EDEM3: variants seen among roughly 807,000 people sequenced by gnomAD.
EDEM3 encodes ER degradation enhancing alpha-mannosidase like protein 3, also known as ER degradation-enhancing alpha-mannosidase-like protein 3.
Under a neutral mutation model 110.2 loss-of-function variants are expected in EDEM3, and 60 were observed. The observed-to-expected ratio is 0.54, with a 90% CI of 0.44 to 0.67. The LOEUF (loss-of-function observed/expected upper bound fraction) is 0.67, where lower values mean the gene tolerates loss of function less well. Among genes scored for constraint, EDEM3 ranks in the 30% least tolerant of loss-of-function variants. EDEM3 has a pLI of 0.00. For missense variants in EDEM3, 996 were observed against 1,121.0 expected (o/e 0.89, Z 1.59); for synonymous variants, 352 against 382.9 (o/e 0.92, Z 0.94).
intron 17 of EDEM3, among the ~76,000 whole-genome samples, chr1:184,707,621 C>A (rs1353934830): frequency 6.6e-6 from 1 of 152,158 alleles, no homozygotes; most frequent in East Asian, 1.9e-4. Flanking sequence ...GCTCTGCAAT[C>A]AATTAGTTAG....
At chr1:184,709,729 A>G (rs1420609046) in intron 16 of EDEM3, among the ~76,000 whole-genome samples, 3 of 152,194 alleles carry the variant, frequency 2.0e-5, no homozygotes, top group African/African-American at 7.2e-5. Flanking sequence ...ATGTGGCAAG[A>G]ATATGGATGA....
In EDEM3 at chr1:184,720,509, C is replaced by CTTTTTTTTTTTTTTTTTTTTTTTT. The variant is rs34268021; in HGVS notation, c.951+779_951+780insAAAAAAAAAAAAAAAAAAAAAAAA. On this transcript the variant is annotated intron_variant, in intron 9 of 19. Transcript: ENST00000318130. Reference sequence around the variant, plus strand: ...AATTTAAACCAGTACATCTCCCATACTTTTTTTTTTTTTTTTTTGAGACGG... The same window carrying CTTTTTTTTTTTTTTTTTTTTTTTT: ...AATTTAAACCAGTACATCTCCCATACTTTTTTTTTTTTTTTTTTTTTTTTTTTTTTTTTTTTTTTTTTGAGACGG... 39 of 127,430 alleles carry CTTTTTTTTTTTTTTTTTTTTTTTT rather than the reference C, an allele frequency of 3.1e-4. 3 individuals carry two copies. The highest frequency in any genetic ancestry group is 1.2e-3 in the African/African-American group (37 of 31,714). 7.9% of individuals were successfully genotyped at this position (127,430 alleles called of 1,614,324 possible). A position where few individuals can be genotyped will look rare whatever the true frequency, so the allele number is the denominator to read the frequency against.
intron 2 of EDEM3, among the ~76,000 whole-genome samples, chr1:184,742,078 A>T (rs61823908): frequency 0.072 from 10,898 of 152,228 alleles, 451 homozygotes; most frequent in African/African-American, 0.12. Context: ...ACTTATTTAG[A>T]TTCCAAACTC....
At position 184,702,975 on chromosome 1, in the gene EDEM3, C is replaced by A; in HGVS notation, c.2225G>T (p.Ser742Ile). The A allele has an allele frequency of 5.0e-6, 8 of 1,607,256 alleles. No homozygotes were observed. Among genetic ancestry groups the A allele is most frequent in the Non-Finnish European group, 6.8e-6 (8 of 1,177,526 alleles). Residue 742 changes from serine (S) to isoleucine (I), a missense_variant, in exon 19 of 20, where the codon AGT (serine) becomes ATT (isoleucine). By Grantham distance (142) the Ser-to-Ile change is moderately radical. This residue lies in a region of EDEM3 where 345 missense variants were observed against 402.0 expected (regional missense o/e 0.86). Coordinates refer to ENST00000318130, the MANE Select transcript of EDEM3 (RefSeq NM_025191.4). ...CATCTGGAACAGAGGGGCAGTATCACTGCTGCTCCCCTCATTGTCATCTAG... is the reference window on the plus strand; with the variant it reads ...CATCTGGAACAGAGGGGCAGTATCAATGCTGCTCCCCTCATTGTCATCTAG... ...IVIDDNEGSSSDTAPLFQMAG... is the reference protein window; with the variant it reads ...IVIDDNEGSSIDTAPLFQMAG...
At chr1:184,751,248 T>C (rs972554952) in intron 1 of EDEM3, among the ~76,000 whole-genome samples, 4 of 151,864 alleles carry the variant, frequency 2.6e-5, no homozygotes, top group African/African-American at 9.7e-5. Context: ...AAAAAAAAGT[T>C]TAAAATGTCC....
intron 2 of EDEM3, among the ~76,000 whole-genome samples, chr1:184,740,811 T>C (rs773628500): frequency 7.9e-5 from 12 of 152,154 alleles, no homozygotes; most frequent in Non-Finnish European, 1.6e-4. Context: ...AGAAACTTAA[T>C]AAAGGCCAAG....
chr1:184,742,683 C>T (rs184867126), intron 2 of EDEM3, among the ~76,000 whole-genome samples: 54 of 152,324 alleles, frequency 3.5e-4, no homozygotes, highest in African/African-American at 1.3e-3. Flanking sequence ...GCCACCATGC[C>T]CAGCCCCTAA....
rs1373045389 is a variant in EDEM3, at chr1:184,690,551, C to T, written c.*3512G>A. The T allele has an allele frequency of 6.6e-6, 1 of 152,412 alleles. No homozygotes were observed. Among genetic ancestry groups the T allele is most frequent in the Non-Finnish European group, 1.5e-5 (1 of 67,972 alleles). The allele number at this position is 152,412 out of a possible 1,614,324, so 9.4% of individuals were successfully genotyped here. ...AATCTTTACAATCAGTAATTATAATCAAATACATAATTATATACAGGATTA... is the reference window on the plus strand; with the variant it reads ...AATCTTTACAATCAGTAATTATAATTAAATACATAATTATATACAGGATTA... On this transcript the variant is annotated 3_prime_UTR_variant, in exon 20 of 20. Coordinates refer to ENST00000318130, the MANE Select transcript of EDEM3 (RefSeq NM_025191.4).
At chr1:184,736,791 A>C (rs192258786) in intron 4 of EDEM3, among the ~76,000 whole-genome samples, 1 of 152,326 alleles carries the variant, frequency 6.6e-6, no homozygotes, top group African/African-American at 2.4e-5. Flanking sequence ...TTCCTAATTA[A>C]GGTGCCATTA....
At chr1:184,746,141 G>A (rs1652418059) in intron 2 of EDEM3, among the ~76,000 whole-genome samples, 1 of 152,192 alleles carries the variant, frequency 6.6e-6, no homozygotes, top group Non-Finnish European at 1.5e-5. Flanking sequence ...GTCAAACATA[G>A]TCGTTATTAA....
chr1:184,696,261 T>A (rs1417010340), intron 19 of EDEM3, among the ~76,000 whole-genome samples: 2 of 151,880 alleles, frequency 1.3e-5, no homozygotes, highest in Non-Finnish European at 2.9e-5. Context: ...GCAAAGAGAA[T>A]CCTTTACCAA....
In EDEM3 at chr1:184,693,979, A is replaced by G. The variant is rs766565049; in HGVS notation, c.*84T>C. ...CCATACTTAAAGCCTCCCATTAGAA[A>G]GCCTGCTTAGTATTAGGATGTCTAT... On this transcript the variant is annotated 3_prime_UTR_variant, in exon 20 of 20. Transcript: ENST00000318130. 1.3e-5 allele frequency: 18 copies of G among 1,413,206 alleles called. No homozygotes were observed. The highest frequency in any genetic ancestry group is 1.6e-5 in the Non-Finnish European group (17 of 1,046,668). 87.5% of individuals were successfully genotyped at this position (1,413,206 alleles called of 1,614,324 possible). A position where few individuals can be genotyped will look rare whatever the true frequency, so the allele number is the denominator to read the frequency against.
At position 184,711,834 on chromosome 1, in the gene EDEM3, G is replaced by A. The variant is rs569209861; in HGVS notation, c.1580C>T (p.Thr527Ile). The A allele has an allele frequency of 9.0e-5, 145 of 1,613,246 alleles. 2 individuals are homozygous for A. In the South Asian group the frequency reaches 1.5e-3, roughly 17 times the overall value. Reference sequence around the variant, plus strand: ...AAAGAGGATCTGAGTATTTGGACAAGTCCAATCGAAGTTACTGTCATCCAG... The same window carrying A: ...AAAGAGGATCTGAGTATTTGGACAAATCCAATCGAAGTTACTGTCATCCAG... ...TELDDSNFDWTCPNTQILFPN... is the reference protein window; with the variant it reads ...TELDDSNFDWICPNTQILFPN... Residue 527 changes from threonine (T) to isoleucine (I), a missense_variant, in exon 15 of 20, where the codon ACT becomes ATT. Physicochemically the swap from Thr to Ile is moderately conservative, Grantham distance 89. Around this residue, in one of 5 missense-constraint regions of EDEM3, gnomAD observed 138 missense variants for 124.3 expected, o/e 1.11. Coordinates refer to ENST00000318130, the MANE Select transcript of EDEM3 (RefSeq NM_025191.4).
intron 17 of EDEM3, 130 bp from the exon 18 acceptor site, chr1:184,706,938 T>C (rs1649964939): frequency 1.1e-5 from 10 of 910,942 alleles, no homozygotes; most frequent in Admixed American, 3.0e-5. Flanking sequence ...ATCTAACATA[T>C]AGTCACCATA....
At chr1:184,723,879 A>AG (rs1419357463) in intron 7 of EDEM3, 23 bp from the exon 8 acceptor site, 1 of 1,521,132 alleles carries the variant, frequency 6.6e-7, no homozygotes. Flanking sequence ...AAAAAAAAAA[A>AG]AAAAAAGAAG....
In EDEM3 at chr1:184,706,703, TG is replaced by T; in HGVS notation, c.2142del (p.Cys714Ter). The T allele has an allele frequency of 6.2e-7, 1 of 1,613,888 alleles. No homozygotes were observed. The highest frequency in any genetic ancestry group is 8.5e-7 in the Non-Finnish European group (1 of 1,179,844). On this transcript the variant is annotated frameshift_variant, in exon 18 of 20. Coordinates refer to ENST00000318130, the MANE Select transcript of EDEM3 (RefSeq NM_025191.4). LOFTEE classifies it high-confidence loss of function. ...ATGTTGCGTGCCTTTTCTGCAAACA[TG>T]CACTGTCCTCTTTGTATCAGTGCGA... Reference protein sequence around the residue: ...GKIALIQRGQCMFAEKARNIQ... With the variant: ...GKIALIQRGQXMFAEKARNIQ...
intron 6 of EDEM3, among the ~76,000 whole-genome samples, chr1:184,732,507 G>A (rs1409374130): frequency 2.6e-5 from 4 of 152,112 alleles, no homozygotes; most frequent in Non-Finnish European, 5.9e-5. Flanking sequence ...ATAAATGCTC[G>A]AGGTAATGGC....
intron 2 of EDEM3, 132 bp from the exon 3 acceptor site, chr1:184,737,843 T>C (rs1405118402): frequency 1.3e-6 from 1 of 744,036 alleles, no homozygotes. Flanking sequence ...CCCTGTGGAA[T>C]CTTTTCAAAA....
rs956872473 is a variant in EDEM3, at chr1:184,723,784, T to C, written c.820A>G (p.Ile274Val). ...ACCCAATCTCCAGTATGAATATTTA[T>C]AGTCACGCCCACTAAATTACTACTT... The part of the protein sequence containing the change: ...QRSSNLVGVT[I>V]NIHTGDWVRK... The change falls in exon 8 of 20, where the codon ATA becomes GTA. Residue 274 changes from isoleucine to valine, a missense_variant. Physicochemically the swap from Ile to Val is conservative, Grantham distance 29. Transcript: ENST00000318130. 4.4e-6 allele frequency: 7 copies of C among 1,601,804 alleles called. No homozygotes were observed. The highest frequency in any genetic ancestry group is 5.9e-6 in the Non-Finnish European group (7 of 1,176,572).
Sources: gnomAD v4.1 joint callset for allele counts (sites outside exome capture counted in the v4.1 genomes callset) on GRCh38, gnomAD v4.1.1 for gene constraint, gnomAD v4.1.1 regional missense constraint, MANE v1.5 for transcripts, NCBI Gene and HGNC (gene_info 2026-07-23, HGNC 2026-07-21) for gene names.